The following WDR33 variants were observed in gnomAD, a reference collection of about 807,000 sequenced individuals.
The protein encoded by WDR33 is WD repeat domain 33, also known as pre-mRNA 3' end processing protein WDR33.
In WDR33, 47 loss-of-function variants were observed where a neutral mutation model predicts 164.9. That is an observed-to-expected ratio of 0.29 (90% CI 0.23 to 0.36). The LOEUF (loss-of-function observed/expected upper bound fraction) is 0.36. WDR33 is among the 10% of genes least tolerant of loss of function. The pLI is 1.00. For synonymous variants in WDR33, 505 were observed against 589.0 expected (o/e 0.86, Z 2.06); for missense variants, 1,137 against 1,754.1 (o/e 0.65, Z 6.28).
At chr2:127,761,908 G>C (rs1255098973) in intron 7 of WDR33, among the ~76,000 whole-genome samples, 1 of 152,198 alleles carries the variant, frequency 6.6e-6, no homozygotes, top group Non-Finnish European at 1.5e-5. Context: ...GCCAAGTCAG[G>C]AGTGTTGAAG....
At chr2:127,771,740 C>T (rs546352647) in intron 1 of WDR33, among the ~76,000 whole-genome samples, 17 of 150,624 alleles carry the variant, frequency 1.1e-4, no homozygotes, top group African/African-American at 3.9e-4. Flanking sequence ...ATCATGCCAC[C>T]GCACTCCAGC....
intron 18 of WDR33, among the ~76,000 whole-genome samples, chr2:127,711,768 A>ATTTTTTTTTTTTTTT (rs1441301170): frequency 1.6e-4 from 11 of 70,248 alleles, no homozygotes; most frequent in Non-Finnish European, 2.2e-4. Flanking sequence ...ATATATATAT[A>ATTTTTTTTTTTTTTT]TATATATATA....
intron 7 of WDR33, among the ~76,000 whole-genome samples, chr2:127,734,004 G>C (rs1686776581): frequency 6.6e-6 from 1 of 152,142 alleles, no homozygotes. Context: ...ATAACATCCA[G>C]ATGAAGTGGA....
At chr2:127,797,883 C>A (rs1689094150) in intron 1 of WDR33, among the ~76,000 whole-genome samples, 1 of 151,912 alleles carries the variant, frequency 6.6e-6, no homozygotes, top group African/African-American at 2.4e-5. Context: ...CATGGTGGTA[C>A]ACAACTGTGG....
intron 17 of WDR33, among the ~76,000 whole-genome samples, chr2:127,715,884 G>T (rs781016948): frequency 1.3e-5 from 2 of 152,114 alleles, no homozygotes; most frequent in Non-Finnish European, 1.5e-5. Flanking sequence ...CCACTTTCTC[G>T]GCTCTCCCTT....
chr2:127,718,354 A>C lies in WDR33; in HGVS notation c.2760+911T>G, dbSNP rs537317280. On this transcript the variant is annotated intron_variant, in intron 16 of 21. Coordinates refer to ENST00000322313, the MANE Select transcript of WDR33 (RefSeq NM_018383.5). This position sits in a 1 kb window ranked among gnomAD's most constrained non-coding sequence, Gnocchi z 4.4. ...CTCGCTCACTTTTGGTCCACACTGG[A>C]CCAAAAGTGAGTTTTCAGGGACAAA... Among the ~76,000 whole-genome samples the C allele has an allele frequency of 9.2e-5, 14 of 152,138 alleles. No homozygotes were observed. In the South Asian group the frequency reaches 2.9e-3, roughly 32 times the overall value.
Position 127,765,273 on chromosome 2 carries a change from A to G in WDR33, c.379-4T>C. 6.2e-7 allele frequency: 1 copy of G among 1,612,428 alleles called. No homozygotes were observed. The highest frequency in any genetic ancestry group is 8.5e-7 in the Non-Finnish European group (1 of 1,179,152). On this transcript the variant is annotated splice_region_variant and splice_polypyrimidine_tract_variant and intron_variant, in intron 4 of 21. Transcript: ENST00000322313. The stretch of plus-strand genomic sequence containing the variant: ...AGCGTCTTCCTTCTGGAGTCCACTA[A>G]GGGAGAAAAAAAGACAGGTTATACA...
rs1054469561 is a variant in WDR33 at position 127,722,124 on chromosome 2, G to T, written c.1519-136C>A. 1.0e-5 allele frequency: 10 copies of T among 1,004,828 alleles called. No homozygotes were observed. The highest frequency in any genetic ancestry group is 2.9e-5 in the Admixed American group (1 of 34,684). 62.2% of individuals were successfully genotyped at this position (1,004,828 alleles called of 1,614,324 possible). A position where few individuals can be genotyped will look rare whatever the true frequency, so the allele number is the denominator to read the frequency against. On this transcript the variant is annotated intron_variant, in intron 14 of 21. Coordinates refer to ENST00000322313, the MANE Select transcript of WDR33 (RefSeq NM_018383.5). The surrounding 1 kb of genome is among the most constrained non-coding windows in gnomAD (Gnocchi z 5.1). ...TTATTTCTTTTTACCTTTTCTCCAT[G>T]ACTCAAGTACATGACTCATGCTAAT...
At chr2:127,797,171 T>A (rs924955992) in intron 1 of WDR33, among the ~76,000 whole-genome samples, 3 of 151,282 alleles carry the variant, frequency 2.0e-5, no homozygotes, top group African/African-American at 7.4e-5. Context: ...CTACAAAATA[T>A]AACTGATAAA....
chr2:127,747,056 G>A (rs73958009), intron 7 of WDR33, among the ~76,000 whole-genome samples: 4,408 of 151,990 alleles, frequency 0.029, 206 homozygotes, highest in African/African-American at 0.093. Flanking sequence ...AGTGAGTTTC[G>A]CCCAAACAGA....
chr2:127,791,464 T>C (rs923231601), intron 1 of WDR33, among the ~76,000 whole-genome samples: 1 of 152,104 alleles, frequency 6.6e-6, no homozygotes, highest in African/African-American at 2.4e-5. Context: ...GGTGCCAGCA[T>C]AACCAGGTCC....
rs1687729376 is a variant in WDR33 at position 127,763,220 on chromosome 2, T to G, written c.627-61A>C. On this transcript the variant is annotated intron_variant, in intron 6 of 21. Coordinates refer to ENST00000322313, the MANE Select transcript of WDR33 (RefSeq NM_018383.5). This position sits in a 1 kb window ranked among gnomAD's most constrained non-coding sequence, Gnocchi z 4.5. ...CAGCATTTAACAGATAATCTGTGCT[T>G]CTCAGACAGGGAAAAATAAAAACAC... 5 of 1,611,676 alleles carry G rather than the reference T, an allele frequency of 3.1e-6. No homozygotes were observed. Among genetic ancestry groups the G allele is most frequent in the Non-Finnish European group, 3.4e-6 (4 of 1,178,472 alleles).
chr2:127,709,758 A>G lies in WDR33; in HGVS notation c.3407T>C (p.Phe1136Ser), dbSNP rs775359034. ...TCGGGCCGCTTCCTCAGAAGCATCA[A>G]AATTCTCCTCTGGACCAAAGTCTTC... Reference protein sequence around the residue: ...GPEDFGPEENFDASEEAARGR... With the variant: ...GPEDFGPEENSDASEEAARGR... Residue 1136 changes from phenylalanine (F) to serine (S), a missense_variant, in exon 19 of 22, where the codon TTT (phenylalanine) becomes TCT (serine). Around this residue, in one of 9 missense-constraint regions of WDR33, gnomAD observed 867 missense variants for 1,073.0 expected, o/e 0.81. Coordinates refer to ENST00000322313, the MANE Select transcript of WDR33 (RefSeq NM_018383.5). This position sits in a 1 kb window ranked among gnomAD's most constrained non-coding sequence, Gnocchi z 5.0. The G allele has an allele frequency of 6.2e-7, 1 of 1,614,204 alleles. No individual in the cohort carries two copies. The highest frequency in any genetic ancestry group is 1.3e-5 in the African/African-American group (1 of 75,054).
In WDR33 at chr2:127,750,677, A is replaced by AATAT. The variant is rs1161071581; in HGVS notation, c.724+12381_724+12384dup. 8.2e-3 allele frequency among the ~76,000 whole-genome samples: 294 copies of AATAT among 35,722 alleles called. 1 individual carries two copies. The highest frequency in any genetic ancestry group is 0.01 in the Non-Finnish European group (227 of 22,632). The allele number at this position is 35,722 out of a possible 152,430, so 23.4% of individuals were successfully genotyped here. On this transcript the variant is annotated intron_variant, in intron 7 of 21. Transcript: ENST00000322313. ...AAAAAAAAAAAAAAAAAAAAAAAAA[A>AATAT]ATATATATATATATATATATATATA...
rs1686925532 is a variant in WDR33 at position 127,738,721 on chromosome 2, G to A, written c.725-11944C>T. On this transcript the variant is annotated intron_variant, in intron 7 of 21. Coordinates refer to ENST00000322313, the MANE Select transcript of WDR33 (RefSeq NM_018383.5). This position sits in a 1 kb window ranked among gnomAD's most constrained non-coding sequence, Gnocchi z 4.4. ...AATAGTAGATAAATCACAACTGAGG[G>A]ACATTCTGCAATATACTATACAACT... Among the ~76,000 whole-genome samples, 1 of 152,116 alleles carries A rather than the reference G, an allele frequency of 6.6e-6. No individual in the cohort carries two copies. Among genetic ancestry groups the A allele is most frequent in the South Asian group, 2.1e-4 (1 of 4,830 alleles).
intron 1 of WDR33, among the ~76,000 whole-genome samples, chr2:127,788,773 T>C (rs1223304750): frequency 1.5e-5 from 2 of 135,298 alleles, no homozygotes; most frequent in Non-Finnish European, 3.2e-5. Flanking sequence ...CCCTCCCAGA[T>C]GGGGCGGCTG....
At chr2:127,790,896 A>T (rs779372704) in intron 1 of WDR33, among the ~76,000 whole-genome samples, 3 of 152,140 alleles carry the variant, frequency 2.0e-5, no homozygotes, top group Non-Finnish European at 4.4e-5. Context: ...ATTTAGGGGC[A>T]TGGAATTGTT....
At chr2:127,749,676 AAAG>A (rs1687261465) in intron 7 of WDR33, among the ~76,000 whole-genome samples, 1 of 151,816 alleles carries the variant, frequency 6.6e-6, no homozygotes, top group African/African-American at 2.4e-5. Flanking sequence ...AAAAAAAAAA[AAAG>A]AAATGCCATA....
At position 127,717,008 on chromosome 2, in the gene WDR33, A is replaced by C; in HGVS notation, c.2869+147T>G. ...AGATCCAAGAACACAACCAAAGACA[A>C]AGCTCCTACCTGAATGACCACACCC... On this transcript the variant is annotated intron_variant, in intron 17 of 21. Coordinates refer to ENST00000322313, the MANE Select transcript of WDR33 (RefSeq NM_018383.5). This position sits in a 1 kb window ranked among gnomAD's most constrained non-coding sequence, Gnocchi z 5.6. The C allele has an allele frequency of 1.2e-6, 1 of 804,274 alleles. No homozygotes were observed. Among genetic ancestry groups the C allele is most frequent in the Non-Finnish European group, 2.0e-6 (1 of 500,152 alleles). 49.8% of individuals were successfully genotyped at this position (804,274 alleles called of 1,614,324 possible).
Sources: allele counts gnomAD v4.1 joint callset (sites outside exome capture counted in the v4.1 genomes callset), GRCh38; gene constraint gnomAD v4.1.1; regional missense constraint gnomAD v4.1.1; non-coding constraint Gnocchi (gnomAD v3.1); transcripts MANE v1.5; gene names NCBI Gene and HGNC (gene_info 2026-07-23, HGNC 2026-07-21).